Variants in CPXM2 observed in about 807,000 individuals in gnomAD.
The protein encoded by CPXM2 is carboxypeptidase X, M14 family member 2.
Under a neutral mutation model 86.1 loss-of-function variants are expected in CPXM2, and 66 were observed. The ratio of observed to expected loss-of-function variants is 0.77; its 90% CI spans 0.63 to 0.94. The LOEUF (loss-of-function observed/expected upper bound fraction) is 0.94, where lower values mean the gene tolerates loss of function less well. Among genes scored for constraint, CPXM2 ranks in the 40% least tolerant of loss-of-function variants. CPXM2 has a pLI of 0.00. For missense variants in CPXM2, 948 were observed against 1,026.3 expected, an observed-to-expected ratio of 0.92 and a Z score of 1.04; for synonymous variants, 388 against 400.2, an observed-to-expected ratio of 0.97 and a Z score of 0.36.
intron 4 of CPXM2, among the ~76,000 whole-genome samples, chr10:123,814,897 C>T (rs947135771): frequency 1.3e-5 from 2 of 152,084 alleles, no homozygotes; most frequent in East Asian, 1.9e-4. Context: ...TGGTGGTGTA[C>T]ACCTGTAGTC....
Position 123,746,796 on chromosome 10 carries a change from G to T in CPXM2, c.2239C>A (p.Leu747Met). The change falls in exon 14 of 14, where the codon CTG (leucine) becomes ATG (methionine). Residue 747 changes from leucine to methionine, a missense_variant. By Grantham distance (15) the Leu-to-Met change is conservative. Coordinates refer to ENST00000241305, the MANE Select transcript of CPXM2 (RefSeq NM_198148.3). ...PVSLPARRLK[L>M]RGQKRRQRG The stretch of plus-strand genomic sequence containing the variant: ...CGCTGTCGTCTCTTCTGCCCCCGCA[G>T]CTTCAGCCGCCTGGCTGGCAGGCTG... 6.2e-7 allele frequency: 1 copy of T among 1,614,182 alleles called. No homozygotes were observed. Among genetic ancestry groups the T allele is most frequent in the East Asian group, 2.2e-5 (1 of 44,884 alleles).
intron 4 of CPXM2, among the ~76,000 whole-genome samples, chr10:123,802,507 C>G (rs1262284802): frequency 6.6e-6 from 1 of 152,216 alleles, no homozygotes; most frequent in African/African-American, 2.4e-5. Flanking sequence ...CGTTCTACTA[C>G]TCTACTCTGA....
intron 3 of CPXM2, among the ~76,000 whole-genome samples, chr10:123,857,634 A>ACGGAAGGCGGCG (rs1564800660): frequency 3.2e-4 from 30 of 94,420 alleles, no homozygotes; most frequent in Admixed American, 4.8e-4. Flanking sequence ...CGGCGTGGAG[A>ACGGAAGGCGGCG]TGGAAGGCGG....
At chr10:123,910,264 G>A (rs931196875) in intron 2 of CPXM2, among the ~76,000 whole-genome samples, 1 of 152,036 alleles carries the variant, frequency 6.6e-6, no homozygotes, top group East Asian at 1.9e-4. Context: ...ACCTGGCCAG[G>A]TTTTTTTTAC....
intron 4 of CPXM2, among the ~76,000 whole-genome samples, chr10:123,815,758 A>C (rs2099810085): frequency 6.6e-6 from 1 of 152,168 alleles, no homozygotes; most frequent in South Asian, 2.1e-4. Flanking sequence ...CCTAGAGGTA[A>C]GGTTAAGAGT....
chr10:123,805,485 T>C (rs1346033661), intron 4 of CPXM2, among the ~76,000 whole-genome samples: 1 of 152,206 alleles, frequency 6.6e-6, no homozygotes, highest in Non-Finnish European at 1.5e-5. Flanking sequence ...TGTTGTTTAA[T>C]GTCTAGGTAC....
intron 13 of CPXM2, among the ~76,000 whole-genome samples, chr10:123,749,089 G>A (rs1310070177): frequency 6.6e-6 from 1 of 152,146 alleles, no homozygotes; most frequent in Non-Finnish European, 1.5e-5. Context: ...GACAGCATGT[G>A]GCTTACTGGC....
chr10:123,786,297 C>T (rs1038161812), intron 6 of CPXM2, among the ~76,000 whole-genome samples: 3 of 152,308 alleles, frequency 2.0e-5, no homozygotes, highest in South Asian at 2.1e-4. Flanking sequence ...AAGGAGCACA[C>T]GCTTCTGTAG....
Position 123,757,447 on chromosome 10 carries a change from TCGGAAGGC to T in CPXM2, c.1778-103_1778-96del, listed in dbSNP as rs1381144207. 2.1e-5 allele frequency: 22 copies of T among 1,059,286 alleles called. No individual in the cohort carries two copies. In the Admixed American group the frequency reaches 4.1e-4, roughly 20 times the overall value. 65.6% of individuals were successfully genotyped at this position (1,059,286 alleles called of 1,614,324 possible). A position where few individuals can be genotyped will look rare whatever the true frequency, so the allele number is the denominator to read the frequency against. Reference sequence around the variant, plus strand: ...GGGCAGCAAGGATGTTTAAGAACATTCGGAAGGCCTTGTTTAAACAGGGAGATATGAAG... The same window carrying T: ...GGGCAGCAAGGATGTTTAAGAACATTCTTGTTTAAACAGGGAGATATGAAG... On this transcript the variant is annotated intron_variant, in intron 11 of 13. Transcript: ENST00000241305.
chr10:123,914,236 G>C (rs1036757646), intron 2 of CPXM2: 1 of 375,846 alleles, frequency 2.7e-6, no homozygotes, highest in Non-Finnish European at 5.3e-6. Flanking sequence ...AAGCCACATC[G>C]AGCACATTAA....
At chr10:123,797,621 G>A (rs1345340502) in intron 6 of CPXM2, among the ~76,000 whole-genome samples, 1 of 85,242 alleles carries the variant, frequency 1.2e-5, no homozygotes, top group Admixed American at 1.3e-4. Context: ...GTGTAGTGGT[G>A]CTATTTCGGC....
At chr10:123,815,113 A>G (rs927717450) in intron 4 of CPXM2, among the ~76,000 whole-genome samples, 5 of 152,246 alleles carry the variant, frequency 3.3e-5, no homozygotes, top group African/African-American at 7.2e-5. Context: ...GACTCTATAC[A>G]TAATACCTTT....
At chr10:123,905,687 A>G (rs1945433020) in intron 2 of CPXM2, among the ~76,000 whole-genome samples, 1 of 151,726 alleles carries the variant, frequency 6.6e-6, no homozygotes, top group Admixed American at 6.6e-5. Context: ...GCTTCTCCCT[A>G]TTCACGAAGC....
chr10:123,857,980 A>T (rs1425786708), intron 3 of CPXM2, among the ~76,000 whole-genome samples: 1 of 152,210 alleles, frequency 6.6e-6, no homozygotes, highest in Non-Finnish European at 1.5e-5. Context: ...CTCTGTGGCC[A>T]GGTGCTGATA....
chr10:123,764,953 T>G (rs1846435094), intron 10 of CPXM2, among the ~76,000 whole-genome samples: 1 of 152,314 alleles, frequency 6.6e-6, no homozygotes, highest in South Asian at 2.1e-4. Context: ...TCATTATTAT[T>G]CAGTTCTAAT....
rs568195476 is a variant in CPXM2, at chr10:123,885,003, C to T, written c.305-4694G>A. Among the ~76,000 whole-genome samples the T allele has an allele frequency of 7.1e-4, 108 of 152,330 alleles. No individual in the cohort carries two copies. The highest frequency in any genetic ancestry group is 2.5e-3 in the African/African-American group (102 of 41,578). ...GGTAACAGCAGCAGGTGGGTGTGTGCAGACACTGTGCAGGGAGCTGTTGGT... is the reference window on the plus strand; with the variant it reads ...GGTAACAGCAGCAGGTGGGTGTGTGTAGACACTGTGCAGGGAGCTGTTGGT... On this transcript the variant is annotated intron_variant, in intron 1 of 13. Transcript: ENST00000241305. The surrounding 1 kb of genome is among the most constrained non-coding windows in gnomAD (Gnocchi z 4.0).
intron 2 of CPXM2, among the ~76,000 whole-genome samples, chr10:123,905,405 C>T (rs28479505): frequency 0.19 from 28,946 of 152,070 alleles, 3,175 homozygotes; most frequent in Non-Finnish European, 0.26. Flanking sequence ...CTTTGGCTCT[C>T]GGGATGCCAC....
chr10:123,769,777 A>G (rs1027187537), intron 8 of CPXM2, among the ~76,000 whole-genome samples: 3 of 152,154 alleles, frequency 2.0e-5, no homozygotes, highest in Non-Finnish European at 4.4e-5. Flanking sequence ...TGGACTTCCC[A>G]GCTTCCCGAA....
intron 1 of CPXM2, among the ~76,000 whole-genome samples, chr10:123,882,878 C>A (rs28712078): frequency 6.7e-6 from 1 of 149,874 alleles, no homozygotes; most frequent in Non-Finnish European, 1.5e-5. Context: ...CACTACAACA[C>A]CATGGCCCGG....
Sources: gnomAD v4.1 joint callset for allele counts (sites outside exome capture counted in the v4.1 genomes callset) on GRCh38, gnomAD v4.1.1 for gene constraint, Gnocchi (gnomAD v3.1) non-coding constraint, MANE v1.5 for transcripts, NCBI Gene and HGNC (gene_info 2026-07-23, HGNC 2026-07-21) for gene names.